STRBP: variants seen among roughly 807,000 people sequenced by gnomAD.
STRBP encodes spermatid perinuclear RNA-binding protein.
Under a neutral mutation model 80.1 loss-of-function variants are expected in STRBP, and 13 were observed. The observed-to-expected ratio is 0.16, with a 90% CI of 0.11 to 0.26. The LOEUF is 0.26. STRBP is among the 10% of genes least tolerant of loss of function. The probability of loss-of-function intolerance (pLI) is 1.00; values close to 1 mark genes in which losing one functional copy is unlikely to be tolerated. For missense variants in STRBP, 485 were observed against 815.2 expected, an observed-to-expected ratio of 0.59 and a Z score of 4.93; for synonymous variants, 284 against 291.2, an observed-to-expected ratio of 0.98 and a Z score of 0.25.
rs748733020 is a variant in STRBP, at chr9:123,147,016, T to C, written c.1177A>G (p.Met393Val). 17 of 1,614,020 alleles carry C rather than the reference T, an allele frequency of 1.1e-5. No individual in the cohort carries two copies. Among genetic ancestry groups the C allele is most frequent in the Non-Finnish European group, 1.4e-5 (17 of 1,179,940 alleles). ...CCAGGCCTGATCTGATTTAGCCTCA[T>C]TAGTGCATTCATAAGGTCTATTGCT... ...SKAIDLMNALMRLNQIRPGLQ... is the reference protein window; with the variant it reads ...SKAIDLMNALVRLNQIRPGLQ... Residue 393 changes from methionine (M) to valine (V), a missense_variant, in exon 13 of 19, where the codon ATG becomes GTG. Met to Val is a conservative substitution (Grantham distance 21, BLOSUM62 1). Around this residue, in one of 3 missense-constraint regions of STRBP, gnomAD observed 377 missense variants for 616.1 expected, o/e 0.61. Transcript: ENST00000348403.
At chr9:123,159,584 G>A (rs747549771) in intron 8 of STRBP, among the ~76,000 whole-genome samples, 46 of 152,202 alleles carry the variant, frequency 3.0e-4, no homozygotes, top group Non-Finnish European at 5.1e-4. Flanking sequence ...TCCCACTTAG[G>A]AAGCACACAA....
chr9:123,221,981 G>A (rs567261202), intron 2 of STRBP, among the ~76,000 whole-genome samples: 5 of 152,118 alleles, frequency 3.3e-5, no homozygotes, highest in African/African-American at 9.6e-5. Context: ...TCCAGTGATC[G>A]TCCTTACCTG....
At chr9:123,116,801 G>A (rs758803045), downstream of STRBP, among the ~76,000 whole-genome samples, 3 of 152,306 alleles carry the variant, frequency 2.0e-5, no homozygotes, top group Non-Finnish European at 4.4e-5. Context: ...GCCACTCACC[G>A]CACTATAATT....
chr9:123,133,035 T>C (rs1259406699), intron 16 of STRBP, 67 bp from the exon 17 acceptor site: 1 of 1,577,992 alleles, frequency 6.3e-7, no homozygotes, highest in Admixed American at 1.7e-5. Flanking sequence ...TATCATCTCT[T>C]CAACGCACAA....
At chr9:123,230,399 C>T (rs1485571294) in intron 2 of STRBP, among the ~76,000 whole-genome samples, 5 of 152,134 alleles carry the variant, frequency 3.3e-5, no homozygotes, top group African/African-American at 1.2e-4. Context: ...AGTGCAAGTC[C>T]CATGCATTTT....
Position 123,124,237 on chromosome 9 carries a change from T to A in STRBP, c.*1360A>T. On this transcript the variant is annotated 3_prime_UTR_variant, in exon 19 of 19. Transcript: ENST00000348403. ...AGGGAAAATGAAAGCTAATTCATAC[T>A]AAAAACAGACATTTTTAAGACATGG... 6 of 985,414 alleles carry A rather than the reference T, an allele frequency of 6.1e-6. No individual in the cohort carries two copies. The highest frequency in any genetic ancestry group is 7.2e-6 in the Non-Finnish European group (6 of 829,928). The allele number at this position is 985,414 out of a possible 1,614,324, so 61.0% of individuals were successfully genotyped here.
chr9:123,254,640 T>C (rs796369880), intron 1 of STRBP, among the ~76,000 whole-genome samples: 4 of 152,110 alleles, frequency 2.6e-5, no homozygotes, highest in African/African-American at 7.2e-5. Context: ...AAACCAATCA[T>C]GTGAAATAAA....
chr9:123,213,129 T>G (rs1588111253), intron 2 of STRBP, among the ~76,000 whole-genome samples: 1 of 152,194 alleles, frequency 6.6e-6, no homozygotes, highest in African/African-American at 2.4e-5. Context: ...CAATGAAGGT[T>G]CATTTACTAA....
chr9:123,210,004 ACAAAT>A (rs528792991), intron 2 of STRBP, among the ~76,000 whole-genome samples: 4 of 152,314 alleles, frequency 2.6e-5, no homozygotes, highest in Non-Finnish European at 5.9e-5. Context: ...TATTCAAAAA[ACAAAT>A]GTGAATCTAG....
chr9:123,122,939 T>G lies in STRBP; in HGVS notation c.*2658A>C. ...ATTGCTAGGTTTCCAAAGGAAAAGT[T>G]TTAAAACAGACACCGTGGCTTTGAA... On this transcript the variant is annotated 3_prime_UTR_variant, in exon 19 of 19. Coordinates refer to ENST00000348403, the MANE Select transcript of STRBP (RefSeq NM_018387.5). The G allele has an allele frequency of 1.0e-6, 1 of 985,470 alleles. No homozygotes were observed. The highest frequency in any genetic ancestry group is 1.2e-6 in the Non-Finnish European group (1 of 829,962). 61.0% of individuals were successfully genotyped at this position (985,470 alleles called of 1,614,324 possible).
intron 1 of STRBP, among the ~76,000 whole-genome samples, chr9:123,245,714 A>C (rs146288941): frequency 6.6e-6 from 1 of 152,196 alleles, no homozygotes. Context: ...CTCTCAGGTA[A>C]TTCTAACGTT....
chr9:123,160,394 G>T lies in STRBP; in HGVS notation c.696C>A (p.Val232=). The change falls in exon 8 of 19, where the codon GTC becomes GTA. Residue 232 remains valine, a synonymous_variant. Coordinates refer to ENST00000348403, the MANE Select transcript of STRBP (RefSeq NM_018387.5). ...ATCCTTTCAATGGTGCCCATGTGGG[G>T]ACTCTGTTGCACAAATCACGCAGAA... ...LRILRDLCNR[V]PTWAPLKGWP... The T allele has an allele frequency of 1.2e-6, 2 of 1,601,206 alleles. No individual in the cohort carries two copies. Among genetic ancestry groups the T allele is most frequent in the Non-Finnish European group, 1.7e-6 (2 of 1,170,906 alleles).
intron 17 of STRBP, among the ~76,000 whole-genome samples, chr9:123,129,851 A>G (rs2036060651): frequency 6.6e-6 from 1 of 152,212 alleles, no homozygotes; most frequent in African/African-American, 2.4e-5. Flanking sequence ...TTTTTAGTCT[A>G]TAGTTAAGTC....
intron 14 of STRBP, among the ~76,000 whole-genome samples, chr9:123,137,261 C>G (rs1280555769): frequency 6.6e-6 from 1 of 152,086 alleles, no homozygotes; most frequent in East Asian, 1.9e-4. Flanking sequence ...ACAAATAAAC[C>G]CACAAAATAC....
chr9:123,229,911 G>C (rs915596280), intron 2 of STRBP, among the ~76,000 whole-genome samples: 1 of 152,258 alleles, frequency 6.6e-6, no homozygotes, highest in East Asian at 1.9e-4. Flanking sequence ...AAATAAATAA[G>C]ATCATTCAGC....
rs2035627197 is a variant in STRBP at position 123,115,229 on chromosome 9, C to T, written c.*84+700G>A. On this transcript the variant is annotated intron_variant and NMD_transcript_variant, in intron 3 of 3. Coordinates refer to the STRBP transcript ENST00000471564. This position sits in a 1 kb window ranked among gnomAD's most constrained non-coding sequence, Gnocchi z 5.0. ...CTCTGTGCATGCATGCCAGGCCCGCCTCTGACTCCCCTCCTGGGGATCCCG... is the reference window on the plus strand; with the variant it reads ...CTCTGTGCATGCATGCCAGGCCCGCTTCTGACTCCCCTCCTGGGGATCCCG... The T allele has an allele frequency of 2.1e-6, 1 of 471,124 alleles. No individual in the cohort carries two copies. Among genetic ancestry groups the T allele is most frequent in the Non-Finnish European group, 4.4e-6 (1 of 227,054 alleles). The allele number at this position is 471,124 out of a possible 1,614,324, so 29.2% of individuals were successfully genotyped here.
chr9:123,112,701 G>A (rs1490995681), intron 3 of STRBP: 2 of 167,274 alleles, frequency 1.2e-5, no homozygotes, highest in Non-Finnish European at 2.9e-5. Context: ...CACCCCCAGG[G>A]GTAGTTGCTT....
intron 2 of STRBP, among the ~76,000 whole-genome samples, chr9:123,188,368 C>T (rs534349198): frequency 5.9e-5 from 9 of 152,184 alleles, no homozygotes; most frequent in South Asian, 2.1e-4. Flanking sequence ...AGGCCAGGTG[C>T]GGTGGCTCAC....
rs2035638267 is a variant in STRBP at position 123,115,946 on chromosome 9, G to A, written c.*67C>T. The A allele has an allele frequency of 1.3e-5, 6 of 451,428 alleles. No individual in the cohort carries two copies. The highest frequency in any genetic ancestry group is 2.4e-5 in the Admixed American group (1 of 41,606). The allele number at this position is 451,428 out of a possible 1,614,324, so 28.0% of individuals were successfully genotyped here. On this transcript the variant is annotated 3_prime_UTR_variant and NMD_transcript_variant, in exon 3 of 4. Transcript: ENST00000471564. The surrounding 1 kb of genome is among the most constrained non-coding windows in gnomAD (Gnocchi z 5.0). ...AAAAATACCTGGCAGGAGTGCCCAC[G>A]TTCTCTCCAGGTCTCCTCTTCACCA...
Sources: gnomAD v4.1 joint callset for allele counts (sites outside exome capture counted in the v4.1 genomes callset) on GRCh38, gnomAD v4.1.1 for gene constraint, gnomAD v4.1.1 regional missense constraint, Gnocchi (gnomAD v3.1) non-coding constraint, MANE v1.5 for transcripts, NCBI Gene and HGNC (gene_info 2026-07-23, HGNC 2026-07-21) for gene names.